Variants in RSF1 observed in about 807,000 individuals in gnomAD.
RSF1 encodes the protein HBV pX-associated protein 8.
Under a neutral mutation model 145.2 loss-of-function variants are expected in RSF1, and 13 were observed. That is an observed-to-expected ratio of 0.09 (90% CI 0.06 to 0.14). The LOEUF is 0.14. Ranked by LOEUF, RSF1 falls within the 10% of genes least tolerant of loss-of-function variation. RSF1 has a pLI of 1.00. For missense variants in RSF1, 1,517 were observed against 1,718.2 expected, an observed-to-expected ratio of 0.88 and a Z score of 2.07; for synonymous variants, 577 against 592.6, an observed-to-expected ratio of 0.97 and a Z score of 0.38.
At chr11:77,859,577 C>T in the RSF1 span, among the ~76,000 whole-genome samples, 1 of 152,188 alleles carries the variant, frequency 6.6e-6, no homozygotes, top group South Asian at 2.1e-4. Context: ...GTTCTGCCAG[C>T]TGAGCACTAG....
chr11:77,674,489 T>C (rs781575972), intron 14 of RSF1, among the ~76,000 whole-genome samples: 9 of 152,222 alleles, frequency 5.9e-5, no homozygotes, highest in Non-Finnish European at 1.2e-4. Flanking sequence ...TCACAGTTTA[T>C]TGAGAATGAT....
At chr11:77,867,902 A>G in the RSF1 span, among the ~76,000 whole-genome samples, 4 of 152,206 alleles carry the variant, frequency 2.6e-5, no homozygotes, top group Non-Finnish European at 1.5e-5. Flanking sequence ...GGAAGTTCAG[A>G]AAAAAAGTAA....
Position 77,701,318 on chromosome 11 carries a change from G to C in RSF1, c.1911C>G (p.His637Gln). 1 of 1,614,084 alleles carries C rather than the reference G, an allele frequency of 6.2e-7. No individual in the cohort carries two copies. Among genetic ancestry groups the C allele is most frequent in the Non-Finnish European group, 8.5e-7 (1 of 1,180,030 alleles). Residue 637 changes from histidine (H) to glutamine (Q), a missense_variant, in exon 6 of 16, where the codon CAC (histidine) becomes CAG (glutamine). By Grantham distance (24) the His-to-Gln change is conservative. Coordinates refer to ENST00000308488, the MANE Select transcript of RSF1 (RefSeq NM_016578.4). The stretch of plus-strand genomic sequence containing the variant: ...CTTTTTCTGAGGCTAGTTTCTCACA[G>C]TGGTCAATGATATTAGATGGTGGAG... ...ETSPPSNIID[H>Q]CEKLASEKEV...
At chr11:77,757,177 T>C (rs1948124535) in intron 2 of RSF1, among the ~76,000 whole-genome samples, 1 of 152,204 alleles carries the variant, frequency 6.6e-6, no homozygotes, top group African/African-American at 2.4e-5. Context: ...TGTGAATGAT[T>C]ATGGCATGTT....
chr11:77,719,047 G>C (rs1960884535), intron 5 of RSF1, among the ~76,000 whole-genome samples: 1 of 152,018 alleles, frequency 6.6e-6, no homozygotes, highest in Non-Finnish European at 1.5e-5. Flanking sequence ...AGGAGTTTGA[G>C]ACCAGATGGG....
At chr11:77,816,545 A>T (rs750032182) in intron 1 of RSF1, among the ~76,000 whole-genome samples, 1 of 152,274 alleles carries the variant, frequency 6.6e-6, no homozygotes, top group African/African-American at 2.4e-5. Flanking sequence ...AGCCAACCAT[A>T]GTATAAACTA....
intron 4 of RSF1, among the ~76,000 whole-genome samples, chr11:77,740,033 T>C (rs551111861): frequency 5.2e-5 from 8 of 152,392 alleles, no homozygotes; most frequent in African/African-American, 1.9e-4. Context: ...TGTGTCAAGA[T>C]GAACTGAATA....
rs1360096058 is a variant in RSF1 at position 77,715,185 on chromosome 11, T to TA, written c.733+10359dup. 3.3e-5 allele frequency among the ~76,000 whole-genome samples: 5 copies of TA among 151,764 alleles called. 1 individual carries two copies. Among genetic ancestry groups the TA allele is most frequent in the South Asian group, 2.1e-4 (1 of 4,814 alleles). On this transcript the variant is annotated intron_variant, in intron 5 of 15. Transcript: ENST00000308488. The stretch of plus-strand genomic sequence containing the variant: ...GAGTTAAAAAATTATTTAAGTTCTT[T>TA]AAAAAAAAGCAGCAGCACTATAGTC...
chr11:77,701,502 T>A lies in RSF1; in HGVS notation c.1727A>T (p.Asp576Val). Residue 576 changes from aspartate to valine, a missense_variant, in exon 6 of 16, where the codon GAT becomes GTT. Asp to Val is a radical substitution (Grantham distance 152). Transcript: ENST00000308488. The stretch of plus-strand genomic sequence containing the variant: ...ACATTCTAGGATTGGTGGGCGCTTA[T>A]CCTTCTTAGTTTTGGGAGACTTCTC... ...GEEKSPKTKK[D>V]KRPPILECLE... is the part of the protein sequence containing the mutation. 6 of 1,614,106 alleles carry A rather than the reference T, an allele frequency of 3.7e-6. No homozygotes were observed. Among genetic ancestry groups the A allele is most frequent in the Non-Finnish European group, 5.1e-6 (6 of 1,179,998 alleles).
At chr11:77,831,922 C>T in the RSF1 span, 1 of 126,524 alleles carries the variant, frequency 7.9e-6, no homozygotes, top group African/African-American at 3.1e-5. Context: ...GTTGGCCAGT[C>T]TGGTCTTGAA....
At chr11:77,700,377 A>AAAAAAAT (rs1960388049) in intron 6 of RSF1, among the ~76,000 whole-genome samples, 2 of 143,004 alleles carry the variant, frequency 1.4e-5, no homozygotes, top group Admixed American at 7.0e-5. Context: ...AAAAAAAAAA[A>AAAAAAAT]GACTGCAAAG....
chr11:77,689,915 G>C (rs568725779), intron 9 of RSF1, among the ~76,000 whole-genome samples: 2 of 152,246 alleles, frequency 1.3e-5, no homozygotes, highest in South Asian at 4.1e-4. Context: ...TGTAATCCCA[G>C]CTCTTTGGAA....
intron 1 of RSF1, among the ~76,000 whole-genome samples, chr11:77,792,752 C>A (rs4636694): frequency 0.18 from 25,869 of 143,230 alleles, 2,739 homozygotes; most frequent in African/African-American, 0.3. Flanking sequence ...AAAAAAAAAA[C>A]TGCCAATCAA....
the RSF1 span, among the ~76,000 whole-genome samples, chr11:77,858,194 ATTTT>A: frequency 3.8e-5 from 5 of 130,808 alleles, no homozygotes; most frequent in Admixed American, 7.8e-5. Context: ...AATATATATA[ATTTT>A]TTTTTTTTTT....
intron 1 of RSF1, among the ~76,000 whole-genome samples, chr11:77,777,053 A>G (rs1466303461): frequency 1.3e-5 from 2 of 152,144 alleles, no homozygotes; most frequent in East Asian, 1.9e-4. Flanking sequence ...ATAAAACCTC[A>G]TGACCTCATC....
chr11:77,670,554 TTTCA>T lies in RSF1; in HGVS notation c.3751+1484_3751+1487del, dbSNP rs1265862851. The stretch of plus-strand genomic sequence containing the variant: ...ACCTTCTTCCCAACTAAAATAAGAG[TTTCA>T]TAAGAGCTATTTTGTTTGCTGTTAT... On this transcript the variant is annotated intron_variant, in intron 15 of 15. Coordinates refer to ENST00000308488, the MANE Select transcript of RSF1 (RefSeq NM_016578.4). 3.9e-5 allele frequency among the ~76,000 whole-genome samples: 6 copies of T among 152,264 alleles called. No individual in the cohort carries two copies. In the East Asian group the frequency reaches 1.2e-3, roughly 29 times the overall value.
At chr11:77,826,614 C>G in the RSF1 span, among the ~76,000 whole-genome samples, 1 of 152,170 alleles carries the variant, frequency 6.6e-6, no homozygotes, top group African/African-American at 2.4e-5. Context: ...AAGTACACTC[C>G]TGCTACACTG....
intron 1 of RSF1, chr11:77,813,781 C>T (rs916576331): frequency 1.2e-5 from 3 of 257,104 alleles, no homozygotes; most frequent in East Asian, 9.1e-5. Flanking sequence ...CCTACCACCG[C>T]GACTTCCTCA....
At chr11:77,862,108 C>G in the RSF1 span, among the ~76,000 whole-genome samples, 1 of 152,112 alleles carries the variant, frequency 6.6e-6, no homozygotes, top group African/African-American at 2.4e-5. Context: ...TTCTAGCACG[C>G]AAGGTAGCAA....
Sources: allele counts gnomAD v4.1 joint callset (sites outside exome capture counted in the v4.1 genomes callset), GRCh38; gene constraint gnomAD v4.1.1; transcripts MANE v1.5; gene names NCBI Gene and HGNC (gene_info 2026-07-23, HGNC 2026-07-21).